The following COBLL1 variants were observed in gnomAD, a reference collection of about 807,000 sequenced individuals.
The protein encoded by COBLL1 is cordon-bleu WH2 repeat protein like 1, also known as cordon-bleu protein-like 1.
A neutral mutation model predicts 94.8 loss-of-function variants in COBLL1; 50 were observed. The observed-to-expected ratio is 0.53, with a 90% CI of 0.42 to 0.67. COBLL1 has a LOEUF of 0.67. COBLL1 is among the 30% of genes least tolerant of loss of function. The pLI is 0.00. For synonymous variants in COBLL1, 448 were observed against 473.8 expected, an observed-to-expected ratio of 0.95 and a Z score of 0.71; for missense variants, 1,362 against 1,348.7, an observed-to-expected ratio of 1.01 and a Z score of -0.15.
rs541118701 is a variant in COBLL1 at position 164,710,978 on chromosome 2, A to T, written c.997-5873T>A. 5.7e-4 allele frequency among the ~76,000 whole-genome samples: 87 copies of T among 152,234 alleles called. No individual in the cohort carries two copies. In the South Asian group the frequency reaches 0.017, roughly 31 times the overall value. On this transcript the variant is annotated intron_variant, in intron 7 of 13. Transcript: ENST00000652658. ...AGAGCTAAACTACCCACTATTTCTG[A>T]ATCTGAATTTGTCTAGTTGGAGAGA...
At chr2:164,808,782 A>T (rs1031807127) in intron 2 of COBLL1, among the ~76,000 whole-genome samples, 3 of 152,182 alleles carry the variant, frequency 2.0e-5, no homozygotes, top group African/African-American at 7.2e-5. Context: ...AGTAAATAAC[A>T]TAAAAGTCCA....
chr2:164,762,096 A>G (rs778132087), intron 2 of COBLL1, among the ~76,000 whole-genome samples: 19 of 152,206 alleles, frequency 1.2e-4, no homozygotes, highest in Non-Finnish European at 2.2e-4. Flanking sequence ...CTGTGGAAAA[A>G]TAAGTTCTTT....
chr2:164,799,825 A>G (rs949973965), intron 2 of COBLL1, among the ~76,000 whole-genome samples: 1 of 152,214 alleles, frequency 6.6e-6, no homozygotes, highest in Non-Finnish European at 1.5e-5. Context: ...ACAAAGGTGC[A>G]AAGGCAATTC....
intron 2 of COBLL1, among the ~76,000 whole-genome samples, chr2:164,811,543 C>G (rs1052682148): frequency 6.6e-6 from 1 of 151,856 alleles, no homozygotes; most frequent in Non-Finnish European, 1.5e-5. Context: ...GCTAGAATTC[C>G]ATTATCTGTG....
chr2:164,826,929 T>A (rs1162265699), intron 2 of COBLL1, among the ~76,000 whole-genome samples: 1 of 151,956 alleles, frequency 6.6e-6, no homozygotes, highest in East Asian at 1.9e-4. Context: ...TTTTTTGTTT[T>A]GTTTTGTGGG....
chr2:164,680,019 T>C (rs926666163), downstream of COBLL1, among the ~76,000 whole-genome samples: 1 of 151,986 alleles, frequency 6.6e-6, no homozygotes, highest in Non-Finnish European at 1.5e-5. Context: ...AACTGAACCA[T>C]AACACCCTTA....
intron 2 of COBLL1, among the ~76,000 whole-genome samples, chr2:164,792,579 A>G (rs895623253): frequency 6.6e-6 from 1 of 152,192 alleles, no homozygotes; most frequent in Non-Finnish European, 1.5e-5. Flanking sequence ...CCTTAAGTAA[A>G]TTACTTAACC....
chr2:164,814,238 T>C (rs1183550236), intron 2 of COBLL1, among the ~76,000 whole-genome samples: 2 of 152,118 alleles, frequency 1.3e-5, no homozygotes, highest in Non-Finnish European at 2.9e-5. Flanking sequence ...GGGACAAAGA[T>C]AGTAGTATCT....
chr2:164,755,704 C>T (rs1293683579), intron 2 of COBLL1, among the ~76,000 whole-genome samples: 2 of 152,102 alleles, frequency 1.3e-5, no homozygotes, highest in Non-Finnish European at 2.9e-5. Flanking sequence ...TAGGTAATGA[C>T]AGGATTCTTT....
At position 164,694,364 on chromosome 2, in the gene COBLL1, T is replaced by A. The variant is rs1402856535; in HGVS notation, c.3028A>T (p.Ser1010Cys). 6.2e-7 allele frequency: 1 copy of A among 1,614,042 alleles called. No individual in the cohort carries two copies. Among genetic ancestry groups the A allele is most frequent in the South Asian group, 1.1e-5 (1 of 91,076 alleles). ...SKERTESPSASALVQPPANTE... is the reference protein window; with the variant it reads ...SKERTESPSACALVQPPANTE... The stretch of plus-strand genomic sequence containing the variant: ...TTGGCTGGAGGTTGGACCAATGCAC[T>A]GGCACTAGGTGACTCGGTGCGCTCT... Residue 1010 changes from serine (S) to cysteine (C), a missense_variant, in exon 12 of 14, where the codon AGT (serine) becomes TGT (cysteine). By Grantham distance (112) the Ser-to-Cys change is moderately radical. Transcript: ENST00000652658.
At chr2:164,798,306 T>G (rs1019848777) in intron 2 of COBLL1, among the ~76,000 whole-genome samples, 1 of 152,214 alleles carries the variant, frequency 6.6e-6, no homozygotes, top group African/African-American at 2.4e-5. Context: ...CATACACACA[T>G]TAATTTTCTA....
intron 2 of COBLL1, among the ~76,000 whole-genome samples, chr2:164,747,723 C>A (rs903876751): frequency 1.3e-5 from 2 of 152,134 alleles, no homozygotes; most frequent in Admixed American, 6.5e-5. Flanking sequence ...AATCCTCCCA[C>A]CTCAGCCTCC....
At chr2:164,733,657 C>A (rs1686138259) in intron 3 of COBLL1, among the ~76,000 whole-genome samples, 1 of 152,120 alleles carries the variant, frequency 6.6e-6, no homozygotes, top group African/African-American at 2.4e-5. Flanking sequence ...GGGGAAACAA[C>A]TGAATTTTCA....
At chr2:164,671,800 A>C (rs1452490318) in intron 1 of COBLL1, among the ~76,000 whole-genome samples, 1 of 151,590 alleles carries the variant, frequency 6.6e-6, no homozygotes, top group Non-Finnish European at 1.5e-5. Context: ...TGGAGGCAGG[A>C]GTATGGACTC....
In COBLL1 at chr2:164,699,633, A is replaced by G. The variant is rs571104963; in HGVS notation, c.1461-134T>C. 4 of 529,674 alleles carry G rather than the reference A, an allele frequency of 7.6e-6. No homozygotes were observed. The East Asian group carries it at 1.1e-4, about 15-fold the overall frequency. 32.8% of individuals were successfully genotyped at this position (529,674 alleles called of 1,614,324 possible). A position where few individuals can be genotyped will look rare whatever the true frequency, so the allele number is the denominator to read the frequency against. On this transcript the variant is annotated intron_variant, in intron 10 of 13. Transcript: ENST00000652658. ...GACAGATGGACTAAAATAATCATTT[A>G]TTTCTGCCAAACATCGGAAATTTAA...
chr2:164,779,860 TGTGCA>T (rs1688653651), intron 2 of COBLL1: 1 of 406,920 alleles, frequency 2.5e-6, no homozygotes, highest in African/African-American at 2.1e-5. Context: ...GGGTAGGGAA[TGTGCA>T]GGTATGAGAC....
At chr2:164,728,278 A>G (rs1450674873) in intron 4 of COBLL1, 81 bp from the exon 5 acceptor site, 6 of 849,122 alleles carry the variant, frequency 7.1e-6, no homozygotes, top group Non-Finnish European at 1.2e-5. Context: ...ATAATGAGAT[A>G]ACCTACAGTT....
At chr2:164,818,177 T>C (rs1363315332) in intron 2 of COBLL1, among the ~76,000 whole-genome samples, 2 of 151,228 alleles carry the variant, frequency 1.3e-5, no homozygotes, top group East Asian at 1.9e-4. Context: ...CATGCACGTA[T>C]ACACGTATAT....
At chr2:164,738,876 G>C (rs1182519495) in intron 3 of COBLL1, among the ~76,000 whole-genome samples, 1 of 152,012 alleles carries the variant, frequency 6.6e-6, no homozygotes, top group East Asian at 1.9e-4. Context: ...TTTTGGATTT[G>C]GTATACACAG....
Sources: allele counts gnomAD v4.1 joint callset (sites outside exome capture counted in the v4.1 genomes callset), GRCh38; gene constraint gnomAD v4.1.1; transcripts MANE v1.5; gene names NCBI Gene and HGNC (gene_info 2026-07-23, HGNC 2026-07-21).